The following ATM variants were observed in gnomAD, a reference collection of about 807,000 sequenced individuals.
The protein encoded by ATM is serine-protein kinase ATM.
In ATM, 308 loss-of-function variants were observed where a neutral mutation model predicts 387.0. That is an observed-to-expected ratio of 0.80 (90% CI 0.73 to 0.87). The LOEUF is 0.87. ATM is among the 40% of genes least tolerant of loss of function. The probability of loss-of-function intolerance (pLI) is 0.00; values close to 1 mark genes in which losing one functional copy is unlikely to be tolerated. For synonymous variants in ATM, 1,156 were observed against 1,187.3 expected, an observed-to-expected ratio of 0.97 and a Z score of 0.54; for missense variants, 3,312 against 3,560.9, an observed-to-expected ratio of 0.93 and a Z score of 1.78.
At chr11:108,327,369 A>G (rs1445908588) in intron 47 of ATM, 2 of 370,862 alleles carry the variant, frequency 5.4e-6, no homozygotes, top group East Asian at 5.9e-5. Flanking sequence ...ATGAGTTAAT[A>G]TATATAAAGC....
At position 108,299,776 on chromosome 11, in the gene ATM, C is replaced by T. The variant is rs1591702291; in HGVS notation, c.5068C>T (p.His1690Tyr). 1 of 1,613,936 alleles carries T rather than the reference C, an allele frequency of 6.2e-7. No homozygotes were observed. Among genetic ancestry groups the T allele is most frequent in the South Asian group, 1.1e-5 (1 of 91,072 alleles). ...AGATTTCTCTACCATAGCTATACAA[C>T]ATAGTAAAGATGCATCTTATACCAA... is the stretch of plus-strand genomic sequence containing the variant. ...PIDFSTIAIQ[H>Y]SKDASYTKAL... The change falls in exon 34 of 63, where the codon CAT (histidine) becomes TAT (tyrosine). Residue 1690 changes from histidine to tyrosine, a missense_variant. This residue lies in a region of ATM where 1,405 missense variants were observed against 1,604.4 expected (regional missense o/e 0.88). Transcript: ENST00000675843.
At chr11:108,303,456 G>A (rs2083528605) in intron 36 of ATM, among the ~76,000 whole-genome samples, 1 of 151,968 alleles carries the variant, frequency 6.6e-6, no homozygotes, top group Non-Finnish European at 1.5e-5. Flanking sequence ...GAAGAGTAAA[G>A]GTACATACCA....
At chr11:108,363,279 G>A (rs61603186) in intron 61 of ATM, among the ~76,000 whole-genome samples, 8,689 of 152,046 alleles carry the variant, frequency 0.057, 800 homozygotes, top group African/African-American at 0.2. Context: ...CACTATTTCT[G>A]AACTGATCTC....
At chr11:108,317,932 G>T (rs2084889981) in intron 43 of ATM, among the ~76,000 whole-genome samples, 1 of 151,980 alleles carries the variant, frequency 6.6e-6, no homozygotes, top group African/African-American at 2.4e-5. Context: ...TTGGACTGAG[G>T]CATGCCAAGA....
chr11:108,271,282 G>C lies in ATM; in HGVS notation c.2953G>C (p.Asp985His), dbSNP rs1210518784. The C allele has an allele frequency of 1.2e-6, 2 of 1,612,388 alleles. No individual in the cohort carries two copies. Among genetic ancestry groups the C allele is most frequent in the Non-Finnish European group, 1.7e-6 (2 of 1,179,818 alleles). ...NVCSLYRRDQ[D>H]VCKTILNHVL... ...GTGTTCTTTGTATCGTCGTGACCAAGATGTTTGTAAAACTATTTTAAACCA... is the reference window on the plus strand; with the variant it reads ...GTGTTCTTTGTATCGTCGTGACCAACATGTTTGTAAAACTATTTTAAACCA... The change falls in exon 20 of 63, where the codon GAT becomes CAT. Residue 985 changes from aspartate (D) to histidine (H), a missense_variant. Around this residue, in one of 4 missense-constraint regions of ATM, gnomAD observed 1,791 missense variants for 1,804.5 expected, o/e 0.99. Transcript: ENST00000675843.
chr11:108,245,465 A>G (rs947098180), intron 7 of ATM, among the ~76,000 whole-genome samples: 5 of 152,290 alleles, frequency 3.3e-5, no homozygotes, highest in South Asian at 2.1e-4. Flanking sequence ...AGATACATAC[A>G]TATTACTTTA....
intron 53 of ATM, 67 bp downstream of exon 53, chr11:108,332,967 T>A: frequency 6.5e-7 from 1 of 1,543,988 alleles, no homozygotes; most frequent in Non-Finnish European, 8.8e-7. Flanking sequence ...ATATATTAGT[T>A]ATAGAGCCTA....
rs867846744 is a variant in ATM at position 108,310,361 on chromosome 11, T to G, written c.5918+46T>G. The G allele has an allele frequency of 5.8e-6, 9 of 1,551,106 alleles. No individual in the cohort carries two copies. In the Middle Eastern group the frequency reaches 8.6e-4, roughly 148 times the overall value. On this transcript the variant is annotated intron_variant, in intron 39 of 62. Transcript: ENST00000675843. ...TGGTTTTTAAAATTAATGTTGGCAT[T>G]GTCTCAATAAGGGTATATAGTAAAG...
intron 48 of ATM, among the ~76,000 whole-genome samples, 165 bp from the exon 49 acceptor site, chr11:108,328,856 C>T (rs1055579151): frequency 1.4e-4 from 22 of 152,166 alleles, no homozygotes; most frequent in Non-Finnish European, 3.1e-4. Flanking sequence ...GGGCCACATG[C>T]GGCCCATGGG....
rs2082872800 is a variant in ATM, at chr11:108,292,771, A to C, written c.4589A>C (p.Glu1530Ala). The change falls in exon 30 of 63, where the codon GAG (glutamate) becomes GCG (alanine). Residue 1530 changes from glutamate to alanine, a missense_variant. This residue lies in a region of ATM where 1,791 missense variants were observed against 1,804.5 expected (regional missense o/e 0.99). Coordinates refer to ENST00000675843, the MANE Select transcript of ATM (RefSeq NM_000051.4). Reference protein sequence around the residue: ...IVGTLIPLVYEQVEVQKQVLD... With the variant: ...IVGTLIPLVYAQVEVQKQVLD... ...GGTACACTTATACCCCTTGTGTATGAGCAGGTGGAGGTTCAGAAACAGGTA... is the reference window on the plus strand; with the variant it reads ...GGTACACTTATACCCCTTGTGTATGCGCAGGTGGAGGTTCAGAAACAGGTA... The C allele has an allele frequency of 6.2e-7, 1 of 1,614,066 alleles. No homozygotes were observed. The highest frequency in any genetic ancestry group is 1.1e-5 in the South Asian group (1 of 91,082).
intron 32 of ATM, chr11:108,295,329 CAG>C (rs1387872081): frequency 2.9e-5 from 11 of 374,294 alleles, no homozygotes; most frequent in South Asian, 1.1e-4. Context: ...TTTTAAGAGA[CAG>C]AGTTTTTTTT....
At position 108,224,322 on chromosome 11, in the gene ATM, T is replaced by C. The variant is rs537824369; in HGVS notation, c.-31+1136T>C. 9 of 152,296 alleles carry C rather than the reference T, an allele frequency of 5.9e-5. No homozygotes were observed. The East Asian group carries it at 9.7e-4, about 16-fold the overall frequency. The allele number at this position is 152,296 out of a possible 1,614,324, so 9.4% of individuals were successfully genotyped here. ...GGCATGCCAAGGGCAGAGTTATTTC[T>C]AGGAAGATGGGATATAAGCGTCATT... is the stretch of plus-strand genomic sequence containing the variant. On this transcript the variant is annotated intron_variant, in intron 1 of 62. Transcript: ENST00000675843.
intron 49 of ATM, among the ~76,000 whole-genome samples, chr11:108,329,490 C>T (rs1400301639): frequency 6.6e-6 from 1 of 152,032 alleles, no homozygotes; most frequent in Non-Finnish European, 1.5e-5. Flanking sequence ...CTCCAGCTCA[C>T]TGCAACCTCG....
At position 108,368,008 on chromosome 11, in the gene ATM, G is replaced by A. The variant is rs1011438957; in HGVS notation, c.*2500G>A. The A allele has an allele frequency of 9.7e-6, 2 of 205,872 alleles. No homozygotes were observed. The highest frequency in any genetic ancestry group is 2.0e-5 in the Non-Finnish European group (2 of 100,838). 12.8% of individuals were successfully genotyped at this position (205,872 alleles called of 1,614,324 possible). The stretch of plus-strand genomic sequence containing the variant: ...AATAGTATAGATAAATGAATTTGTA[G>A]CTAATTCTTGCTAGTTGTTGCATCC... On this transcript the variant is annotated 3_prime_UTR_variant, in exon 63 of 63. Coordinates refer to ENST00000675843, the MANE Select transcript of ATM (RefSeq NM_000051.4).
chr11:108,312,460 A>C lies in ATM; in HGVS notation c.5968A>C (p.Ser1990Arg), dbSNP rs1275100503. ...GSQSTTISSLSEKSKEETGIS... is the reference protein window; with the variant it reads ...GSQSTTISSLREKSKEETGIS... The stretch of plus-strand genomic sequence containing the variant: ...CCAGAGTACAACTATTTCTAGCTTG[A>C]GTGAAAAAAGTAAAGAAGAAACTGG... The change falls in exon 40 of 63, where the codon AGT becomes CGT. Residue 1990 changes from serine to arginine, a missense_variant. This residue lies in a region of ATM where 1,405 missense variants were observed against 1,604.4 expected (regional missense o/e 0.88). Coordinates refer to ENST00000675843, the MANE Select transcript of ATM (RefSeq NM_000051.4). 1 of 1,594,720 alleles carries C rather than the reference A, an allele frequency of 6.3e-7. No individual in the cohort carries two copies. The highest frequency in any genetic ancestry group is 1.7e-5 in the Admixed American group (1 of 59,968).
chr11:108,234,202 T>C (rs1373761477), intron 4 of ATM, among the ~76,000 whole-genome samples: 1 of 152,190 alleles, frequency 6.6e-6, no homozygotes, highest in African/African-American at 2.4e-5. Context: ...CCTAAAATTA[T>C]GAAGTGAGCC....
rs760471526 is a variant in ATM, at chr11:108,229,186, A to G, written c.194A>G (p.Gln65Arg). ...LNWDAVFRFLQKYIQKETECL... is the reference protein window; with the variant it reads ...LNWDAVFRFLRKYIQKETECL... The stretch of plus-strand genomic sequence containing the variant: ...ATTTTGTTTTCTTGAAGATTTTTAC[A>G]GAAATATATTCAGAAAGAAACAGAA... Residue 65 changes from glutamine to arginine, a missense_variant, in exon 4 of 63, where the codon CAG becomes CGG. By Grantham distance (43) the Gln-to-Arg change is conservative. Transcript: ENST00000675843. 1 of 1,611,310 alleles carries G rather than the reference A, an allele frequency of 6.2e-7. No homozygotes were observed. The highest frequency in any genetic ancestry group is 8.5e-7 in the Non-Finnish European group (1 of 1,178,474).
At chr11:108,260,104 G>A (rs1455822467) in intron 16 of ATM, among the ~76,000 whole-genome samples, 4 of 145,758 alleles carry the variant, frequency 2.7e-5, no homozygotes, top group Admixed American at 1.4e-4. Context: ...GCACAATCTC[G>A]GCTCACTGCA....
chr11:108,234,747 G>A (rs1413118815), intron 4 of ATM, among the ~76,000 whole-genome samples: 4 of 152,050 alleles, frequency 2.6e-5, no homozygotes, highest in African/African-American at 9.7e-5. Context: ...AGGCTAAGGT[G>A]GGAGGATCCC....
Sources: allele counts gnomAD v4.1 joint callset (sites outside exome capture counted in the v4.1 genomes callset), GRCh38; gene constraint gnomAD v4.1.1; regional missense constraint gnomAD v4.1.1; transcripts MANE v1.5; gene names NCBI Gene and HGNC (gene_info 2026-07-23, HGNC 2026-07-21).